The following NTAN1 variants were observed in gnomAD, a reference collection of about 807,000 sequenced individuals.
NTAN1 encodes protein N-terminal asparagine amidohydrolase.
A neutral mutation model predicts 41.9 loss-of-function variants in NTAN1; 32 were observed. The ratio of observed to expected loss-of-function variants is 0.76; its 90% CI spans 0.58 to 1.03. NTAN1 has a LOEUF of 1.03. NTAN1 is among the 50% of genes least tolerant of loss of function. NTAN1 has a pLI of 0.00. For synonymous variants in NTAN1, 140 were observed against 139.5 expected, an observed-to-expected ratio of 1.00 and a Z score of -0.03; for missense variants, 377 against 377.5, an observed-to-expected ratio of 1.00 and a Z score of 0.01.
At chr16:15,054,127 C>T (rs1475241611) in intron 1 of NTAN1, among the ~76,000 whole-genome samples, 1 of 152,234 alleles carries the variant, frequency 6.6e-6, no homozygotes, top group African/African-American at 2.4e-5. Context: ...TCCCCTCCTG[C>T]CCGCCGCGCC....
At chr16:15,053,302 T>C (rs928417406) in intron 1 of NTAN1, among the ~76,000 whole-genome samples, 3 of 152,126 alleles carry the variant, frequency 2.0e-5, no homozygotes, top group Admixed American at 6.5e-5. Context: ...ATCTGTAAAA[T>C]GGGAATAGCA....
intron 4 of NTAN1, among the ~76,000 whole-genome samples, chr16:15,046,528 G>C (rs1411440694): frequency 6.6e-6 from 1 of 152,022 alleles, no homozygotes; most frequent in Admixed American, 6.6e-5. Context: ...CAGTGAGAGA[G>C]GATGAGGTGC....
chr16:15,043,412 C>G (rs2043913367), intron 5 of NTAN1, among the ~76,000 whole-genome samples: 1 of 152,322 alleles, frequency 6.6e-6, no homozygotes, highest in East Asian at 1.9e-4. Context: ...GGCATGGTGG[C>G]ATGCACCTAG....
rs368411141 is a variant in NTAN1, at chr16:15,041,642, T to C, written c.468A>G (p.Leu156=). Residue 156 remains leucine, a synonymous_variant, in exon 6 of 10, where the codon TTA becomes TTG. Coordinates refer to ENST00000287706, the MANE Select transcript of NTAN1 (RefSeq NM_173474.4). ...ACTTACCTGTCACACATAATGTCAC[T>C]AAGTGAATGTCATCTTCTTGCCTGT... ...EFDRQEDDIH[L]VTLCVTELND... 5 of 1,611,726 alleles carry C rather than the reference T, an allele frequency of 3.1e-6. No individual in the cohort carries two copies. The African/African-American group carries it at 5.3e-5, about 17-fold the overall frequency.
intron 1 of NTAN1, among the ~76,000 whole-genome samples, chr16:15,049,003 C>T (rs530115747): frequency 3.5e-4 from 51 of 146,126 alleles, no homozygotes; most frequent in Admixed American, 1.7e-3. Context: ...AAGCAATCCA[C>T]CCACCCTGGC....
chr16:15,047,947 T>G (rs1348955931), intron 2 of NTAN1, 27 bp from the exon 3 acceptor site: 1 of 1,607,880 alleles, frequency 6.2e-7, no homozygotes, highest in African/African-American at 1.3e-5. Context: ...TAAAATAAAA[T>G]ATCCAATAGC....
In NTAN1 at chr16:15,055,966, C is replaced by T. The variant is rs1455114302; in HGVS notation, c.6G>A (p.Pro2=). 4.1e-6 allele frequency: 5 copies of T among 1,224,732 alleles called. No homozygotes were observed. The East Asian group carries it at 9.6e-5, about 24-fold the overall frequency. The allele number at this position is 1,224,732 out of a possible 1,614,324, so 75.9% of individuals were successfully genotyped here. The change falls in exon 1 of 10, where the codon CCG becomes CCA. Residue 2 remains proline, a synonymous_variant. Coordinates refer to ENST00000287706, the MANE Select transcript of NTAN1 (RefSeq NM_173474.4). The part of the protein sequence containing the change: M[P]LLVEGRRVRL... ...GCACTCGCCGCCCCTCGACGAGCAGCGGCATCGCGGAGGCGGCCGCCCAGG... is the reference window on the plus strand; with the variant it reads ...GCACTCGCCGCCCCTCGACGAGCAGTGGCATCGCGGAGGCGGCCGCCCAGG...
rs1339648278 is a variant in NTAN1, at chr16:15,038,012, C to CTTTGGTAATTCATGTTTT, written c.*1_*18dup. On this transcript the variant is annotated 3_prime_UTR_variant, in exon 10 of 10. Coordinates refer to ENST00000287706, the MANE Select transcript of NTAN1 (RefSeq NM_173474.4). Reference sequence around the variant, plus strand: ...GTCTGTCAGGCCAAGAAGGTGCTTTCTTTGGTAATTCATGTTTTTTAACTT... The same window carrying CTTTGGTAATTCATGTTTT: ...GTCTGTCAGGCCAAGAAGGTGCTTTCTTTGGTAATTCATGTTTTTTTGGTAATTCATGTTTTTTAACTT... The CTTTGGTAATTCATGTTTT allele has an allele frequency of 6.3e-7, 1 of 1,599,714 alleles. No homozygotes were observed. The highest frequency in any genetic ancestry group is 1.7e-5 in the Admixed American group (1 of 58,594).
intron 5 of NTAN1, among the ~76,000 whole-genome samples, chr16:15,043,032 C>G (rs1008168305): frequency 6.6e-6 from 1 of 152,062 alleles, no homozygotes; most frequent in African/African-American, 2.4e-5. Context: ...TCCCAAGTAG[C>G]TGGGATTACA....
chr16:15,038,176 TG>T lies in NTAN1; in HGVS notation c.787del (p.His263ThrfsTer10). On this transcript the variant is annotated frameshift_variant, in exon 10 of 10. Transcript: ENST00000287706. LOFTEE classifies it high-confidence loss of function. ...LSTSPLAEPPHFVEHIRSTLM... is the reference protein window; with the variant it reads ...LSTSPLAEPPXFVEHIRSTLM... ...GGTAGATCTAATATGTTCAACAAAG[TG>T]GGGTGGCTCAGCCAGAGGCGAAGTG... is the stretch of plus-strand genomic sequence containing the variant. 6.2e-7 allele frequency: 1 copy of T among 1,613,306 alleles called. No individual in the cohort carries two copies. Among genetic ancestry groups the T allele is most frequent in the Non-Finnish European group, 8.5e-7 (1 of 1,179,754 alleles).
In NTAN1 at chr16:15,055,959, C is replaced by A. The variant is rs2044497116; in HGVS notation, c.13G>T (p.Val5Phe). ...GGCAGCCGCACTCGCCGCCCCTCGA[C>A]GAGCAGCGGCATCGCGGAGGCGGCC... MPLL[V>F]EGRRVRLPQS... is the part of the protein sequence containing the mutation. The change falls in exon 1 of 10, where the codon GTC becomes TTC. Residue 5 changes from valine to phenylalanine, a missense_variant. Physicochemically the swap from Val to Phe is conservative, Grantham distance 50. Coordinates refer to ENST00000287706, the MANE Select transcript of NTAN1 (RefSeq NM_173474.4). 2.4e-6 allele frequency: 3 copies of A among 1,227,686 alleles called. No homozygotes were observed. Among genetic ancestry groups the A allele is most frequent in the Non-Finnish European group, 3.0e-6 (3 of 984,742 alleles). 76.0% of individuals were successfully genotyped at this position (1,227,686 alleles called of 1,614,324 possible).
At chr16:15,055,836 G>A (rs2044489692) in intron 1 of NTAN1, 55 bp downstream of exon 1, 1 of 974,498 alleles carries the variant, frequency 1.0e-6, no homozygotes, top group Non-Finnish European at 1.3e-6. Context: ...GCGCTAGCCC[G>A]CCCTGCAGCT....
intron 3 of NTAN1, 143 bp from the exon 4 acceptor site, chr16:15,047,693 A>G: frequency 2.3e-6 from 2 of 888,710 alleles, no homozygotes; most frequent in South Asian, 1.4e-5. Flanking sequence ...TCCCCAGCCA[A>G]CCCATTCTGA....
intron 1 of NTAN1, among the ~76,000 whole-genome samples, chr16:15,052,373 G>A (rs2044327531): frequency 6.6e-6 from 1 of 152,094 alleles, no homozygotes; most frequent in South Asian, 2.1e-4. Context: ...AGCAGGGTCC[G>A]GCCCATGAGC....
At position 15,044,314 on chromosome 16, in the gene NTAN1, GAAA is replaced by G; in HGVS notation, c.433+17_433+19del. ...ATATTTATGTCCAATTTGGGGGAAA[GAAA>G]AAAAAAATGAACTTACTAAGAAGTT... On this transcript the variant is annotated intron_variant, in intron 5 of 9. Coordinates refer to ENST00000287706, the MANE Select transcript of NTAN1 (RefSeq NM_173474.4). 1 of 1,435,132 alleles carries G rather than the reference GAAA, an allele frequency of 7.0e-7. No homozygotes were observed. 88.9% of individuals were successfully genotyped at this position (1,435,132 alleles called of 1,614,324 possible).
At chr16:15,047,369 G>C in intron 4 of NTAN1, 73 bp downstream of exon 4, 1 of 988,118 alleles carries the variant, frequency 1.0e-6, no homozygotes, top group Non-Finnish European at 1.6e-6. Context: ...TCCCCTAACA[G>C]CTTCCACAGC....
At chr16:15,043,738 G>A (rs1167052164) in intron 5 of NTAN1, among the ~76,000 whole-genome samples, 1 of 152,088 alleles carries the variant, frequency 6.6e-6, no homozygotes, top group African/African-American at 2.4e-5. Flanking sequence ...TCACCAGGTC[G>A]GGAGTTCACA....
intron 4 of NTAN1, 40 bp from the exon 5 acceptor site, chr16:15,044,447 C>G (rs368910889): frequency 5.3e-6 from 7 of 1,319,264 alleles, no homozygotes; most frequent in Non-Finnish European, 7.7e-6. Flanking sequence ...CAGAAGAAGA[C>G]ACCGGTGCGT....
At chr16:15,051,776 C>G (rs1420126781) in intron 1 of NTAN1, among the ~76,000 whole-genome samples, 5 of 143,704 alleles carry the variant, frequency 3.5e-5, no homozygotes, top group Non-Finnish European at 3.0e-5. Context: ...TCATAGCTCA[C>G]TGCAACCTCA....
Sources: gnomAD v4.1 joint callset for allele counts (sites outside exome capture counted in the v4.1 genomes callset) on GRCh38, gnomAD v4.1.1 for gene constraint, MANE v1.5 for transcripts, NCBI Gene and HGNC (gene_info 2026-07-23, HGNC 2026-07-21) for gene names.